Variants in ZNRF3 observed in about 807,000 individuals in gnomAD.
The protein encoded by ZNRF3 is E3 ubiquitin-protein ligase ZNRF3.
A neutral mutation model predicts 72.5 loss-of-function variants in ZNRF3; 23 were observed. That is an observed-to-expected ratio of 0.32 (90% confidence interval 0.23 to 0.45). The LOEUF is 0.45. ZNRF3 is among the 20% of genes least tolerant of loss of function. The pLI is 1.00. For missense variants in ZNRF3, 1,169 were observed against 1,272.1 expected (o/e 0.92, Z 1.23); for synonymous variants, 610 against 545.3 (o/e 1.12, Z -1.65).
At chr22:29,037,075 CCTA>C (rs1399548917) in intron 2 of ZNRF3, among the ~76,000 whole-genome samples, 3 of 152,152 alleles carry the variant, frequency 2.0e-5, no homozygotes, top group Admixed American at 6.5e-5. Flanking sequence ...TGGGTTATTT[CCTA>C]TTAAGACTGT....
At chr22:28,938,227 C>T (rs1170404191) in intron 1 of ZNRF3, among the ~76,000 whole-genome samples, 10 of 151,640 alleles carry the variant, frequency 6.6e-5, no homozygotes, top group African/African-American at 2.4e-4. Context: ...TTAAGACATG[C>T]TTTTTTCATT....
intron 1 of ZNRF3, among the ~76,000 whole-genome samples, chr22:28,903,193 C>T (rs2034139778): frequency 6.6e-6 from 1 of 152,168 alleles, no homozygotes; most frequent in Non-Finnish European, 1.5e-5. Flanking sequence ...ACAGCTAGAT[C>T]ATTGTCCAGG....
intron 1 of ZNRF3, among the ~76,000 whole-genome samples, chr22:28,965,056 C>T (rs1276866839): frequency 1.3e-5 from 2 of 152,116 alleles, no homozygotes; most frequent in South Asian, 2.1e-4. Context: ...AGAGCTGGTT[C>T]CCAGGGCCTG....
intron 1 of ZNRF3, among the ~76,000 whole-genome samples, chr22:28,909,205 G>T (rs1004066537): frequency 6.6e-5 from 10 of 152,042 alleles, no homozygotes; most frequent in Admixed American, 2.0e-4. Context: ...CCTCTGTTGG[G>T]TTTTTTAGGC....
intron 1 of ZNRF3, among the ~76,000 whole-genome samples, chr22:28,954,394 C>T (rs2035219011): frequency 6.6e-6 from 1 of 152,146 alleles, no homozygotes; most frequent in African/African-American, 2.4e-5. Flanking sequence ...CTAATCTCAT[C>T]ATGATGGCCC....
At chr22:29,027,617 C>T (rs1373229778) in intron 2 of ZNRF3, among the ~76,000 whole-genome samples, 3 of 152,202 alleles carry the variant, frequency 2.0e-5, no homozygotes, top group Non-Finnish European at 2.9e-5. Context: ...ACTGACCACC[C>T]TCTGCCAGAC....
chr22:28,955,176 G>A (rs1330960660), intron 1 of ZNRF3, among the ~76,000 whole-genome samples: 1 of 151,488 alleles, frequency 6.6e-6, no homozygotes, highest in East Asian at 1.9e-4. Context: ...GAGTAGCTGG[G>A]TCTACAGGCA....
At position 29,027,633 on chromosome 22, in the gene ZNRF3, C is replaced by T. The variant is rs540169853; in HGVS notation, c.427-14862C>T. Among the ~76,000 whole-genome samples, 3 of 152,300 alleles carry T rather than the reference C, an allele frequency of 2.0e-5. No homozygotes were observed. In the East Asian group the frequency reaches 5.8e-4, roughly 29 times the overall value. ...CTGACCACCCTCTGCCAGACTCATG[C>T]TGTGTCATCATTTCTTGGCCTAAAC... On this transcript the variant is annotated intron_variant, in intron 2 of 8. Transcript: ENST00000544604.
At chr22:29,026,302 A>C (rs2123865968) in intron 2 of ZNRF3, 1 of 152,216 alleles carries the variant, frequency 6.6e-6, no homozygotes. Flanking sequence ...TCCCTTCTCC[A>C]CACCCCCAGA....
At chr22:29,020,830 T>C (rs2036526114) in intron 2 of ZNRF3, among the ~76,000 whole-genome samples, 1 of 150,506 alleles carries the variant, frequency 6.6e-6, no homozygotes, top group Non-Finnish European at 1.5e-5. Context: ...AGAGTCTCGC[T>C]CTGTTGCCCA....
At chr22:28,901,136 A>T (rs1021119372) in intron 1 of ZNRF3, among the ~76,000 whole-genome samples, 6 of 151,420 alleles carry the variant, frequency 4.0e-5, no homozygotes, top group Non-Finnish European at 8.8e-5. Context: ...TAAATAAATA[A>T]TTTTTTTTTA....
intron 1 of ZNRF3, among the ~76,000 whole-genome samples, chr22:28,962,248 G>A (rs1440414293): frequency 1.3e-5 from 2 of 152,206 alleles, no homozygotes; most frequent in African/African-American, 4.8e-5. Context: ...ATTGCAGAAT[G>A]TTCTGTTGGA....
intron 1 of ZNRF3, among the ~76,000 whole-genome samples, chr22:28,929,811 G>A (rs2034673030): frequency 6.6e-6 from 1 of 151,976 alleles, no homozygotes; most frequent in African/African-American, 2.4e-5. Context: ...ATTGAAGCAG[G>A]GAATGATTTA....
chr22:29,001,376 C>T lies in ZNRF3; in HGVS notation c.426+14175C>T, dbSNP rs375063461. Among the ~76,000 whole-genome samples, 122 of 151,598 alleles carry T rather than the reference C, an allele frequency of 8.0e-4. 3 individuals are homozygous for T. The South Asian group carries it at 0.019, about 24-fold the overall frequency. On this transcript the variant is annotated intron_variant, in intron 2 of 8. Transcript: ENST00000544604. Reference sequence around the variant, plus strand: ...AGTTCTTTACTCTAGACATAAGTCCCTTATTAGATACATTATTTGTAAGTA... The same window carrying T: ...AGTTCTTTACTCTAGACATAAGTCCTTTATTAGATACATTATTTGTAAGTA...
intron 5 of ZNRF3, among the ~76,000 whole-genome samples, chr22:29,045,768 C>T (rs1323812812): frequency 6.6e-6 from 1 of 152,224 alleles, no homozygotes; most frequent in Admixed American, 6.5e-5. Flanking sequence ...TGAGCCACCA[C>T]GCCCGTCCCA....
In ZNRF3 at chr22:29,030,734, A is replaced by T. The variant is rs961007542; in HGVS notation, c.427-11761A>T. On this transcript the variant is annotated intron_variant, in intron 2 of 8. Transcript: ENST00000544604. The surrounding 1 kb of genome is among the most constrained non-coding windows in gnomAD (Gnocchi z 4.2). ...GGGGGTGGGGGGAACATAGAGAAGC[A>T]GGGCTGGTGGAGGGGAGGAGGGACC... is the stretch of plus-strand genomic sequence containing the variant. Among the ~76,000 whole-genome samples, 1 of 110,598 alleles carries T rather than the reference A, an allele frequency of 9.0e-6. No individual in the cohort carries two copies. Among genetic ancestry groups the T allele is most frequent in the Non-Finnish European group, 1.8e-5 (1 of 55,316 alleles). The allele number at this position is 110,598 out of a possible 152,430, so 72.6% of individuals were successfully genotyped here.
chr22:28,884,822 C>T (rs1322682022), intron 1 of ZNRF3, among the ~76,000 whole-genome samples: 1 of 152,172 alleles, frequency 6.6e-6, no homozygotes, highest in Admixed American at 6.5e-5. Context: ...TGAAAGAGAT[C>T]TACATTCCAA....
chr22:28,972,096 T>G (rs1294941027), intron 1 of ZNRF3, among the ~76,000 whole-genome samples: 1 of 152,238 alleles, frequency 6.6e-6, no homozygotes, highest in Non-Finnish European at 1.5e-5. Flanking sequence ...TTTGCATAAT[T>G]CTTTAATAAC....
At chr22:28,912,255 A>C (rs73388896) in intron 1 of ZNRF3, among the ~76,000 whole-genome samples, 2,555 of 152,280 alleles carry the variant, frequency 0.017, 72 homozygotes, top group African/African-American at 0.059. Flanking sequence ...CAGCTTTTTT[A>C]TTTAGGGCAA....
Sources: allele counts gnomAD v4.1 joint callset (sites outside exome capture counted in the v4.1 genomes callset), GRCh38; gene constraint gnomAD v4.1.1; non-coding constraint Gnocchi (gnomAD v3.1); transcripts MANE v1.5; gene names NCBI Gene and HGNC (gene_info 2026-07-23, HGNC 2026-07-21).